The following COL21A1 variants were observed in gnomAD, a reference collection of about 807,000 sequenced individuals.
The protein encoded by COL21A1 is collagen alpha-1(XXI) chain.
A neutral mutation model predicts 137.9 loss-of-function variants in COL21A1; 149 were observed. That is an observed-to-expected ratio of 1.08 (90% CI 0.95 to 1.24). COL21A1 has a LOEUF of 1.24. Ranked by LOEUF, COL21A1 falls within the 50% of genes most tolerant of loss-of-function variation. The probability of loss-of-function intolerance (pLI) is 0.00; values close to 1 mark genes in which losing one functional copy is unlikely to be tolerated. For missense variants in COL21A1, 1,167 were observed against 1,158.4 expected, an observed-to-expected ratio of 1.01 and a Z score of -0.11; for synonymous variants, 456 against 391.5, an observed-to-expected ratio of 1.16 and a Z score of -1.95.
In COL21A1 at chr6:56,362,216, A is replaced by G. The variant is rs140452199; in HGVS notation, c.-39+31755T>C. Among the ~76,000 whole-genome samples the G allele has an allele frequency of 3.7e-3, 569 of 152,330 alleles. 3 individuals are homozygous for G. The highest frequency in any genetic ancestry group is 0.012 in the African/African-American group (503 of 41,590). ...AGTGAAAAAAATTATATAAAGTATG[A>G]TCTCATTTATTATATTTTAAATGTA... On this transcript the variant is annotated intron_variant, in intron 1 of 28. Transcript: ENST00000370819.
intron 1 of COL21A1, among the ~76,000 whole-genome samples, chr6:56,222,088 C>CA (rs2152312872): frequency 6.6e-6 from 1 of 152,122 alleles, no homozygotes; most frequent in African/African-American, 2.4e-5. Context: ...GCCTGACCAA[C>CA]ATGGTGAAAC....
chr6:56,069,380 C>T lies in COL21A1; in HGVS notation c.2020-263G>A, dbSNP rs141645700. 1.6e-3 allele frequency among the ~76,000 whole-genome samples: 242 copies of T among 151,296 alleles called. 2 individuals carry two copies. The East Asian group carries it at 0.037, about 23-fold the overall frequency. Reference sequence around the variant, plus strand: ...GTAAATATTTGTTATTTTTATGATACTTTATAATTTCAATAATAAACGAAA... The same window carrying T: ...GTAAATATTTGTTATTTTTATGATATTTTATAATTTCAATAATAAACGAAA... On this transcript the variant is annotated intron_variant, in intron 21 of 29. Transcript: ENST00000244728.
chr6:56,385,619 T>C (rs1283573566), intron 1 of COL21A1, among the ~76,000 whole-genome samples: 1 of 152,154 alleles, frequency 6.6e-6, no homozygotes, highest in East Asian at 1.9e-4. Context: ...TTCAGTGTCA[T>C]ATAGTACATC....
intron 1 of COL21A1, among the ~76,000 whole-genome samples, chr6:56,329,104 A>G (rs1286359014): frequency 1.3e-5 from 2 of 152,180 alleles, no homozygotes; most frequent in African/African-American, 4.8e-5. Flanking sequence ...TGAAAAAAGC[A>G]GTATCTATTT....
chr6:56,336,464 T>G (rs1765332105), intron 1 of COL21A1, among the ~76,000 whole-genome samples: 1 of 152,198 alleles, frequency 6.6e-6, no homozygotes, highest in Admixed American at 6.5e-5. Flanking sequence ...AAAAACAGAT[T>G]ATAAGAAAAT....
rs1351410275 is a variant in COL21A1 at position 56,061,026 on chromosome 6, C to G, written c.2217G>C (p.Lys739Asn). Residue 739 changes from lysine to asparagine, a missense_variant, in exon 26 of 30, where the codon AAG (lysine) becomes AAC (asparagine). By Grantham distance (94) the Lys-to-Asn change is moderately conservative (BLOSUM62 0). Transcript: ENST00000244728. ...HHGAKGERGE[K>N]GEPGVRGAIG... Reference sequence around the variant, plus strand: ...TGGCACCTCGGACACCAGGTTCTCCCTTTTCACCTCTCTAAAAGCAAAAGA... The same window carrying G: ...TGGCACCTCGGACACCAGGTTCTCCGTTTTCACCTCTCTAAAAGCAAAAGA... The G allele has an allele frequency of 1.9e-6, 3 of 1,583,746 alleles. No homozygotes were observed. Among genetic ancestry groups the G allele is most frequent in the Non-Finnish European group, 2.6e-6 (3 of 1,171,080 alleles).
intron 1 of COL21A1, among the ~76,000 whole-genome samples, chr6:56,371,547 A>T (rs2093988689): frequency 6.6e-6 from 1 of 152,054 alleles, no homozygotes; most frequent in African/African-American, 2.4e-5. Flanking sequence ...CTGCCTGTTC[A>T]CCAGCTCCTG....
intron 1 of COL21A1, among the ~76,000 whole-genome samples, chr6:56,346,386 G>A (rs796407444): frequency 5.9e-5 from 9 of 152,258 alleles, no homozygotes; most frequent in Non-Finnish European, 8.8e-5. Context: ...TTGTTTGTGC[G>A]TTCCACTCAC....
intron 1 of COL21A1, among the ~76,000 whole-genome samples, chr6:56,197,047 A>C (rs770312801): frequency 6.6e-6 from 1 of 152,094 alleles, no homozygotes; most frequent in Non-Finnish European, 1.5e-5. Context: ...AAACCACTGG[A>C]ACAGAATAGA....
At chr6:56,180,636 A>G (rs1293528088) in intron 2 of COL21A1, among the ~76,000 whole-genome samples, 1 of 152,194 alleles carries the variant, frequency 6.6e-6, no homozygotes, top group Non-Finnish European at 1.5e-5. Flanking sequence ...AAAAAAAAAT[A>G]CCATCTTTGG....
intron 16 of COL21A1, among the ~76,000 whole-genome samples, chr6:56,113,274 A>G (rs926747196): frequency 6.6e-5 from 10 of 152,186 alleles, no homozygotes; most frequent in African/African-American, 2.2e-4. Flanking sequence ...AAGCTCATGG[A>G]TCCAAAAGAG....
chr6:56,375,221 T>G (rs897190691), intron 1 of COL21A1, among the ~76,000 whole-genome samples: 5 of 152,164 alleles, frequency 3.3e-5, no homozygotes, highest in Admixed American at 1.3e-4. Context: ...GTAACAGCTG[T>G]ATGCTGAGTC....
chr6:56,321,189 T>G (rs569333526), intron 1 of COL21A1, among the ~76,000 whole-genome samples: 10 of 152,264 alleles, frequency 6.6e-5, no homozygotes, highest in African/African-American at 2.2e-4. Context: ...ATCTTATGAG[T>G]CAAGGCATTG....
At chr6:56,284,447 T>G (rs1054314630) in intron 1 of COL21A1, among the ~76,000 whole-genome samples, 9 of 152,166 alleles carry the variant, frequency 5.9e-5, no homozygotes, top group African/African-American at 2.2e-4. Flanking sequence ...TTGTAGTTGT[T>G]TTTTTCTGTC....
chr6:56,076,373 C>T (rs1253424833), intron 18 of COL21A1, among the ~76,000 whole-genome samples: 1 of 151,176 alleles, frequency 6.6e-6, no homozygotes, highest in Non-Finnish European at 1.5e-5. Flanking sequence ...AAACAAGAGA[C>T]AGCAAGATAC....
intron 1 of COL21A1, among the ~76,000 whole-genome samples, chr6:56,312,118 T>C (rs1764628671): frequency 6.6e-6 from 1 of 152,132 alleles, no homozygotes; most frequent in African/African-American, 2.4e-5. Context: ...GTGACTAGAG[T>C]ATAAGGACCA....
chr6:56,143,500 G>A (rs1350991506), intron 10 of COL21A1, among the ~76,000 whole-genome samples: 7 of 151,920 alleles, frequency 4.6e-5, no homozygotes, highest in African/African-American at 7.3e-5. Flanking sequence ...GCACCCGGCC[G>A]ACTATACAAT....
At chr6:56,269,034 C>T (rs928425583) in intron 1 of COL21A1, among the ~76,000 whole-genome samples, 3 of 152,156 alleles carry the variant, frequency 2.0e-5, no homozygotes, top group African/African-American at 7.2e-5. Context: ...AGCTCAAAGA[C>T]CAGTTCTTCA....
chr6:56,268,926 C>T (rs1223331835), intron 1 of COL21A1, among the ~76,000 whole-genome samples: 2 of 152,088 alleles, frequency 1.3e-5, no homozygotes, highest in Non-Finnish European at 2.9e-5. Flanking sequence ...TAAGAAAGAA[C>T]AAAACTGAAT....
Sources: gnomAD v4.1 joint callset for allele counts (sites outside exome capture counted in the v4.1 genomes callset) on GRCh38, gnomAD v4.1.1 for gene constraint, MANE v1.5 for transcripts, NCBI Gene and HGNC (gene_info 2026-07-23, HGNC 2026-07-21) for gene names.